DPP6: variants seen among roughly 807,000 people sequenced by gnomAD.
DPP6 encodes the protein dipeptidyl peptidase like 6, also known as A-type potassium channel modulatory protein DPP6.
A neutral mutation model predicts 122.6 loss-of-function variants in DPP6; 69 were observed. The observed-to-expected ratio is 0.56, with a 90% CI of 0.46 to 0.69. The LOEUF is 0.69. DPP6 is among the 30% of genes least tolerant of loss of function. The probability of loss-of-function intolerance (pLI) is 0.00; values close to 1 mark genes in which losing one functional copy is unlikely to be tolerated. For missense variants in DPP6, 928 were observed against 1,116.9 expected (o/e 0.83, Z 2.41); for synonymous variants, 418 against 433.1 (o/e 0.97, Z 0.43).
At chr7:153,861,680 G>A in the DPP6 span, among the ~76,000 whole-genome samples, 1 of 152,128 alleles carries the variant, frequency 6.6e-6, no homozygotes. Context: ...TCTAGAAGAT[G>A]AAAATAACCA....
the DPP6 span, among the ~76,000 whole-genome samples, chr7:153,875,924 C>A: frequency 1.7e-3 from 217 of 126,798 alleles, no homozygotes; most frequent in Admixed American, 1.8e-3. Context: ...ATATGAGGAC[C>A]AAAAAAAAAA....
chr7:154,035,183 C>G (rs2533786), intron 1 of DPP6, among the ~76,000 whole-genome samples: 2 of 152,174 alleles, frequency 1.3e-5, no homozygotes, highest in Non-Finnish European at 2.9e-5. Context: ...CTCACTAGCT[C>G]ATCATTGGGG....
intron 2 of DPP6, among the ~76,000 whole-genome samples, chr7:154,469,305 A>G (rs917030440): frequency 7.9e-5 from 12 of 152,186 alleles, no homozygotes; most frequent in African/African-American, 2.4e-4. Context: ...CATCCCAACA[A>G]TAGTTATTTT....
intron 1 of DPP6, among the ~76,000 whole-genome samples, chr7:153,990,318 T>C (rs1228674779): frequency 2.7e-5 from 3 of 110,028 alleles, no homozygotes; most frequent in African/African-American, 1.3e-4. Flanking sequence ...GTCTTGCCCC[T>C]GACTACCAGG....
At chr7:153,866,543 A>G in the DPP6 span, among the ~76,000 whole-genome samples, 1 of 152,082 alleles carries the variant, frequency 6.6e-6, no homozygotes, top group Non-Finnish European at 1.5e-5. Flanking sequence ...TAGATTCTGG[A>G]TATTCACCCT....
intron 1 of DPP6, among the ~76,000 whole-genome samples, chr7:154,195,764 A>G (rs1211406622): frequency 6.6e-6 from 1 of 152,034 alleles, no homozygotes; most frequent in East Asian, 1.9e-4. Context: ...CTGTTATGCC[A>G]CTCCTTTGAA....
At chr7:154,087,497 G>C (rs1025905050) in intron 1 of DPP6, among the ~76,000 whole-genome samples, 1 of 152,226 alleles carries the variant, frequency 6.6e-6, no homozygotes, top group Non-Finnish European at 1.5e-5. Context: ...TGTAAGAGCA[G>C]AGGAGAGAAT....
At chr7:154,178,985 C>T (rs554668826) in intron 1 of DPP6, among the ~76,000 whole-genome samples, 8 of 152,284 alleles carry the variant, frequency 5.3e-5, no homozygotes, top group Admixed American at 3.9e-4. Context: ...TTCCTGGCCC[C>T]CAGCCCCTCC....
intron 18 of DPP6, among the ~76,000 whole-genome samples, chr7:154,871,005 C>T (rs184985786): frequency 2.0e-4 from 30 of 150,804 alleles, no homozygotes; most frequent in African/African-American, 6.6e-4. Context: ...TATCCCAGCC[C>T]AATGGAGAAA....
At chr7:154,683,362 G>T (rs1839403225) in intron 7 of DPP6, among the ~76,000 whole-genome samples, 1 of 152,168 alleles carries the variant, frequency 6.6e-6, no homozygotes, top group African/African-American at 2.4e-5. Flanking sequence ...TGCCCTGTAA[G>T]TGGTACCACC....
At chr7:154,159,492 G>T (rs1796866028) in intron 1 of DPP6, among the ~76,000 whole-genome samples, 1 of 152,260 alleles carries the variant, frequency 6.6e-6, no homozygotes, top group Non-Finnish European at 1.5e-5. Flanking sequence ...TTAAATGGAA[G>T]TCTTTGATCC....
intron 1 of DPP6, among the ~76,000 whole-genome samples, chr7:154,328,175 C>T (rs576890454): frequency 6.6e-6 from 1 of 152,078 alleles, no homozygotes; most frequent in Non-Finnish European, 1.5e-5. Flanking sequence ...GTTGCTTGGC[C>T]CACACCCTGA....
At chr7:154,685,541 C>T (rs1388055840) in intron 7 of DPP6, among the ~76,000 whole-genome samples, 9 of 152,144 alleles carry the variant, frequency 5.9e-5, no homozygotes, top group Admixed American at 5.9e-4. Context: ...GGGACTGGGA[C>T]TGGATGACCT....
chr7:154,889,694 A>G, intron 25 of DPP6, 164 bp downstream of exon 25: 2 of 1,076,334 alleles, frequency 1.9e-6, no homozygotes, highest in Non-Finnish European at 2.6e-6. Flanking sequence ...GCACATGCTC[A>G]ACGTTTTCTT....
Position 154,618,790 on chromosome 7 carries a change from A to T in DPP6, c.628-19031A>T, listed in dbSNP as rs1178549409. 1.3e-5 allele frequency among the ~76,000 whole-genome samples: 2 copies of T among 152,220 alleles called. No individual in the cohort carries two copies. The highest frequency in any genetic ancestry group is 2.9e-5 in the Non-Finnish European group (2 of 68,048). ...TAATCTCAGCACTATTATCATCTGC[A>T]TGTCACAGAGGAGGGAGCTGAGATG... is the stretch of plus-strand genomic sequence containing the variant. On this transcript the variant is annotated intron_variant, in intron 5 of 25. Coordinates refer to ENST00000377770, the MANE Select transcript of DPP6 (RefSeq NM_130797.4). The surrounding 1 kb of genome is among the most constrained non-coding windows in gnomAD (Gnocchi z 4.1).
At chr7:154,008,506 A>G (rs1798007416) in intron 1 of DPP6, among the ~76,000 whole-genome samples, 1 of 152,102 alleles carries the variant, frequency 6.6e-6, no homozygotes. Flanking sequence ...ATCTTTTCTC[A>G]TTACCACATA....
chr7:154,183,612 A>G (rs1031643602), intron 1 of DPP6, among the ~76,000 whole-genome samples: 1 of 152,052 alleles, frequency 6.6e-6, no homozygotes, highest in Non-Finnish European at 1.5e-5. Flanking sequence ...TCCTTCCTCC[A>G]TGACTGAAGG....
In DPP6 at chr7:154,416,867, G is replaced by T. The variant is rs953861101; in HGVS notation, c.244-29347G>T. On this transcript the variant is annotated intron_variant, in intron 1 of 25. Transcript: ENST00000377770. ...TCTAGATCCAGCTTCTAGGAGGCCT[G>T]TGGCTAGCTGGCTCCCTCTGTATGC... Among the ~76,000 whole-genome samples the T allele has an allele frequency of 9.3e-5, 14 of 150,162 alleles. No individual in the cohort carries two copies. In the South Asian group the frequency reaches 2.9e-3, roughly 32 times the overall value.
At chr7:154,036,986 G>A (rs1428178886) in intron 1 of DPP6, among the ~76,000 whole-genome samples, 9 of 152,150 alleles carry the variant, frequency 5.9e-5, no homozygotes, top group Non-Finnish European at 1.3e-4. Flanking sequence ...AGGAAATTAA[G>A]AAATCCATTT....
Sources: gnomAD v4.1 joint callset for allele counts (sites outside exome capture counted in the v4.1 genomes callset) on GRCh38, gnomAD v4.1.1 for gene constraint, Gnocchi (gnomAD v3.1) non-coding constraint, MANE v1.5 for transcripts, NCBI Gene and HGNC (gene_info 2026-07-23, HGNC 2026-07-21) for gene names.